MAB21L3: variants seen among roughly 807,000 people sequenced by gnomAD.
The protein encoded by MAB21L3 is mab-21 like 3.
MAB21L3 carries 36 observed loss-of-function variants against 37.7 expected under a neutral mutation model. That is an observed-to-expected ratio of 0.96 (90% confidence interval 0.73 to 1.26). The LOEUF (loss-of-function observed/expected upper bound fraction) is 1.26, where lower values mean the gene tolerates loss of function less well. MAB21L3 is among the 50% of genes most tolerant of loss of function. MAB21L3 has a pLI of 0.00. For missense variants in MAB21L3, 430 were observed against 447.3 expected (o/e 0.96, Z 0.35); for synonymous variants, 186 against 176.8 (o/e 1.05, Z -0.41).
At chr1:116,126,201 A>C (rs1659903975) in intron 5 of MAB21L3, among the ~76,000 whole-genome samples, 1 of 152,226 alleles carries the variant, frequency 6.6e-6, no homozygotes, top group Non-Finnish European at 1.5e-5. Flanking sequence ...ATGAGCAAAT[A>C]AGGATGAATA....
In MAB21L3 at chr1:116,135,106, A is replaced by G. The variant is rs1477564603; in HGVS notation, c.*1741A>G. On this transcript the variant is annotated 3_prime_UTR_variant, in exon 8 of 8. Coordinates refer to ENST00000369500, the MANE Select transcript of MAB21L3 (RefSeq NM_152367.3). ...AGCAAACACATTCAAAAGCTAGCAG[A>G]AGGCAAGAAATAACTAAAATCAGAG... 6.6e-6 allele frequency: 1 copy of G among 152,144 alleles called. No individual in the cohort carries two copies. Among genetic ancestry groups the G allele is most frequent in the Non-Finnish European group, 1.5e-5 (1 of 68,014 alleles). 9.4% of individuals were successfully genotyped at this position (152,144 alleles called of 1,614,324 possible).
rs147015411 is a variant in MAB21L3 at position 116,133,047 on chromosome 1, A to G, written c.856-85A>G. The G allele has an allele frequency of 1.2e-3, 1,382 of 1,137,726 alleles. 13 individuals are homozygous for G. In the African/African-American group the frequency reaches 0.019, roughly 15 times the overall value. 70.5% of individuals were successfully genotyped at this position (1,137,726 alleles called of 1,614,324 possible). A position where few individuals can be genotyped will look rare whatever the true frequency, so the allele number is the denominator to read the frequency against. ...GGCAACTCTTTTCTCCCTCCTTCCA[A>G]GGCCACATAAGCTCAATAATTGTTT... On this transcript the variant is annotated intron_variant, in intron 7 of 7. Coordinates refer to ENST00000369500, the MANE Select transcript of MAB21L3 (RefSeq NM_152367.3).
intron 3 of MAB21L3, among the ~76,000 whole-genome samples, chr1:116,119,808 C>T (rs1659691733): frequency 6.6e-6 from 1 of 152,140 alleles, no homozygotes; most frequent in African/African-American, 2.4e-5. Flanking sequence ...TTGTGTTTCC[C>T]ACAAACATCT....
At chr1:116,115,978 A>C (rs1659575585) in intron 3 of MAB21L3, among the ~76,000 whole-genome samples, 1 of 152,146 alleles carries the variant, frequency 6.6e-6, no homozygotes, top group Admixed American at 6.5e-5. Context: ...TGAAGCTGCA[A>C]CTGGTATCTT....
intron 7 of MAB21L3, among the ~76,000 whole-genome samples, chr1:116,130,186 A>G (rs1211752179): frequency 6.6e-6 from 1 of 152,236 alleles, no homozygotes; most frequent in African/African-American, 2.4e-5. Context: ...TTCAGGCAGG[A>G]TTGAATGGGG....
Position 116,112,572 on chromosome 1 carries a change from A to G in MAB21L3, c.-44A>G. The G allele has an allele frequency of 1.3e-6, 2 of 1,590,890 alleles. No individual in the cohort carries two copies. The highest frequency in any genetic ancestry group is 1.7e-6 in the Non-Finnish European group (2 of 1,170,196). ...GTTGCACTCCATTGAGAAAAAAAAA[A>G]AAACCAGGAAGTTGCTGTTCTACTG... On this transcript the variant is annotated 5_prime_UTR_variant, in exon 3 of 8. Coordinates refer to ENST00000369500, the MANE Select transcript of MAB21L3 (RefSeq NM_152367.3).
At chr1:116,118,888 T>G (rs1364184483) in intron 3 of MAB21L3, among the ~76,000 whole-genome samples, 2 of 152,238 alleles carry the variant, frequency 1.3e-5, no homozygotes, top group Non-Finnish European at 2.9e-5. Context: ...AAGTATCCGT[T>G]TTCTATGTAT....
intron 7 of MAB21L3, among the ~76,000 whole-genome samples, chr1:116,131,526 T>G (rs1332387639): frequency 2.0e-5 from 3 of 152,156 alleles, no homozygotes; most frequent in Non-Finnish European, 4.4e-5. Context: ...ATTTTTTTTT[T>G]GTTTTTGAGA....
chr1:116,129,052 C>T (rs1040807), intron 7 of MAB21L3, among the ~76,000 whole-genome samples: 26,152 of 152,202 alleles, frequency 0.17, 3,395 homozygotes, highest in African/African-American at 0.36. Context: ...TCTGCAGGCA[C>T]AAAGGTGAAC....
intron 7 of MAB21L3, among the ~76,000 whole-genome samples, chr1:116,131,279 G>A (rs1237914478): frequency 6.6e-6 from 1 of 152,194 alleles, no homozygotes; most frequent in African/African-American, 2.4e-5. Context: ...TTGATCTGAT[G>A]GACAAAGAAG....
Position 116,124,155 on chromosome 1 carries a change from C to A in MAB21L3, c.279C>A (p.Tyr93Ter). The change falls in exon 5 of 8, where the codon TAC becomes TAA. Residue 93 changes from tyrosine to a stop codon, truncating the protein, a stop_gained. Transcript: ENST00000369500. LOFTEE classifies it high-confidence loss of function. ...CCAGGGAGCAGCACTGGCGGTACTA[C>A]ACACTGCAGGGCACCAGGCTGCCCT... ...REAREQHWRY[Y>*]TLQGTRLPCP... The A allele has an allele frequency of 1.9e-6, 3 of 1,614,252 alleles. No individual in the cohort carries two copies. The highest frequency in any genetic ancestry group is 2.5e-6 in the Non-Finnish European group (3 of 1,180,054).
Position 116,112,487 on chromosome 1 carries a change from T to C in MAB21L3, c.-129T>C. ...GGCAAGTCTCTGGTCCATTACACAC[T>C]TCCAGAAAAACTTAGTACCCAGAGA... On this transcript the variant is annotated 5_prime_UTR_variant, in exon 3 of 8. Transcript: ENST00000369500. 1 of 758,246 alleles carries C rather than the reference T, an allele frequency of 1.3e-6. No individual in the cohort carries two copies. Among genetic ancestry groups the C allele is most frequent in the Non-Finnish European group, 2.2e-6 (1 of 454,064 alleles). The allele number at this position is 758,246 out of a possible 1,614,324, so 47.0% of individuals were successfully genotyped here. A position where few individuals can be genotyped will look rare whatever the true frequency, so the allele number is the denominator to read the frequency against.
chr1:116,116,492 T>A (rs1045058571), intron 3 of MAB21L3, among the ~76,000 whole-genome samples: 1 of 152,168 alleles, frequency 6.6e-6, no homozygotes, highest in African/African-American at 2.4e-5. Flanking sequence ...GACCTAGGAC[T>A]CCTTATTTCA....
rs1263883724 is a variant in MAB21L3 at position 116,137,222 on chromosome 1, C to T, written c.*3857C>T. ...AATGGGAGAAAATTTTCACAACCTA[C>T]TCATCTGACAAAGGGCTAATATCCA... On this transcript the variant is annotated 3_prime_UTR_variant, in exon 8 of 8. Coordinates refer to ENST00000369500, the MANE Select transcript of MAB21L3 (RefSeq NM_152367.3). 9.5e-6 allele frequency among the ~76,000 whole-genome samples: 1 copy of T among 105,336 alleles called. No individual in the cohort carries two copies. The highest frequency in any genetic ancestry group is 8.2e-5 in the African/African-American group (1 of 12,236). 69.1% of individuals were successfully genotyped at this position (105,336 alleles called of 152,430 possible).
chr1:116,129,311 G>A (rs1370167755), intron 7 of MAB21L3, among the ~76,000 whole-genome samples: 1 of 152,202 alleles, frequency 6.6e-6, no homozygotes, highest in Non-Finnish European at 1.5e-5. Flanking sequence ...ACCACACAGA[G>A]TGAAGTGTAC....
At chr1:116,129,499 C>T (rs900013844) in intron 7 of MAB21L3, among the ~76,000 whole-genome samples, 3 of 152,184 alleles carry the variant, frequency 2.0e-5, no homozygotes, top group Admixed American at 6.5e-5. Context: ...GGGGCAGTCA[C>T]CTATCTGTGA....
At chr1:116,127,968 A>G (rs1269941646) in intron 6 of MAB21L3, among the ~76,000 whole-genome samples, 177 bp from the exon 7 acceptor site, 1 of 152,158 alleles carries the variant, frequency 6.6e-6, no homozygotes, top group Non-Finnish European at 1.5e-5. Context: ...ACCATCTTCT[A>G]ACTGTCCACA....
At chr1:116,125,113 T>G (rs1659866719) in intron 5 of MAB21L3, among the ~76,000 whole-genome samples, 1 of 151,688 alleles carries the variant, frequency 6.6e-6, no homozygotes, top group African/African-American at 2.4e-5. Flanking sequence ...TCAACGTATA[T>G]TAGAATATAC....
intron 3 of MAB21L3, among the ~76,000 whole-genome samples, chr1:116,113,238 T>C (rs1659480441): frequency 6.6e-6 from 1 of 152,172 alleles, no homozygotes; most frequent in Admixed American, 6.5e-5. Context: ...TACTAAGGCA[T>C]GATGTTAATG....
Sources: gnomAD v4.1 joint callset for allele counts (sites outside exome capture counted in the v4.1 genomes callset) on GRCh38, gnomAD v4.1.1 for gene constraint, MANE v1.5 for transcripts, NCBI Gene and HGNC (gene_info 2026-07-23, HGNC 2026-07-21) for gene names.